DPYSL2: variants seen among roughly 807,000 people sequenced by gnomAD.
DPYSL2 encodes dihydropyrimidinase-related protein 2.
A neutral mutation model predicts 69.9 loss-of-function variants in DPYSL2; 13 were observed. That is an observed-to-expected ratio of 0.19 (90% CI 0.12 to 0.30). The LOEUF (loss-of-function observed/expected upper bound fraction) is 0.30. Among genes scored for constraint, DPYSL2 ranks in the 10% least tolerant of loss-of-function variants. The pLI, the probability that DPYSL2 is intolerant of heterozygous loss-of-function variation, is 1.00. For synonymous variants in DPYSL2, 326 were observed against 359.1 expected, an observed-to-expected ratio of 0.91 and a Z score of 1.04; for missense variants, 587 against 918.9, an observed-to-expected ratio of 0.64 and a Z score of 4.67.
rs919988695 is a variant in DPYSL2 at position 26,516,499 on chromosome 8, G to A, written c.354+1820G>A. ...GATCAGAGGATAGGGGTTGAAAGTG[G>A]CCCACCCCTATCATGAATTAGAACT... is the stretch of plus-strand genomic sequence containing the variant. On this transcript the variant is annotated intron_variant, in intron 1 of 13. Coordinates refer to ENST00000521913, the MANE Select transcript of DPYSL2 (RefSeq NM_001197293.3). This position sits in a 1 kb window ranked among gnomAD's most constrained non-coding sequence, Gnocchi z 4.8. Among the ~76,000 whole-genome samples the A allele has an allele frequency of 2.6e-5, 4 of 152,156 alleles. No homozygotes were observed. Among genetic ancestry groups the A allele is most frequent in the Admixed American group, 2.6e-4 (4 of 15,276 alleles).
intron 1 of DPYSL2, among the ~76,000 whole-genome samples, chr8:26,528,763 T>A (rs1428553811): frequency 6.6e-6 from 1 of 151,992 alleles, no homozygotes; most frequent in East Asian, 1.9e-4. Context: ...AAGCACCACG[T>A]TGGGCAGGAG....
At chr8:26,601,803 G>GAACA (rs1420787724) in intron 3 of DPYSL2, among the ~76,000 whole-genome samples, 1 of 152,194 alleles carries the variant, frequency 6.6e-6, no homozygotes, top group Non-Finnish European at 1.5e-5. Context: ...TAAAAGACTG[G>GAACA]GCCTGGAACA....
In DPYSL2 at chr8:26,577,748, C is replaced by T. The variant is rs1473859796; in HGVS notation, c.355-4221C>T. The T allele has an allele frequency of 5.2e-6, 5 of 952,820 alleles. No homozygotes were observed. In the East Asian group the frequency reaches 5.8e-4, roughly 110 times the overall value. 59.0% of individuals were successfully genotyped at this position (952,820 alleles called of 1,614,324 possible). ...GCGCTCCCAGCGCGGGCGCTCGCGC[C>T]GCCTGCCGCCCCCGGCCGTTCACTG... is the stretch of plus-strand genomic sequence containing the variant. On this transcript the variant is annotated intron_variant, in intron 1 of 13. Transcript: ENST00000521913.
intron 1 of DPYSL2, among the ~76,000 whole-genome samples, chr8:26,515,126 G>A (rs190655457): frequency 3.2e-3 from 488 of 152,254 alleles, no homozygotes; most frequent in Non-Finnish European, 5.3e-3. Context: ...GGTCGGGAGG[G>A]GCGGGGGTTC....
chr8:26,643,616 C>G lies in DPYSL2; in HGVS notation c.1283+21C>G. On this transcript the variant is annotated intron_variant, in intron 9 of 13. Transcript: ENST00000521913. The surrounding 1 kb of genome is among the most constrained non-coding windows in gnomAD (Gnocchi z 6.5). Reference sequence around the variant, plus strand: ...TCCTGGTGAGTCCTGGCGACTTGTTCACACTTCACATTCTGTCTTTCTTCA... The same window carrying G: ...TCCTGGTGAGTCCTGGCGACTTGTTGACACTTCACATTCTGTCTTTCTTCA... 1 of 1,614,176 alleles carries G rather than the reference C, an allele frequency of 6.2e-7. No homozygotes were observed. Among genetic ancestry groups the G allele is most frequent in the Middle Eastern group, 1.6e-4 (1 of 6,062 alleles).
chr8:26,535,906 G>GTGTGTC (rs1183163582), intron 1 of DPYSL2, among the ~76,000 whole-genome samples: 3 of 107,920 alleles, frequency 2.8e-5, no homozygotes, highest in African/African-American at 6.4e-5. Flanking sequence ...GGTTGTGTGT[G>GTGTGTC]TGTGTGTGTG....
chr8:26,523,169 A>ATT (rs1460371316), intron 1 of DPYSL2, among the ~76,000 whole-genome samples: 6 of 150,424 alleles, frequency 4.0e-5, no homozygotes, highest in Admixed American at 6.6e-5. Flanking sequence ...ATATATATAT[A>ATT]TTTTTAAATA....
chr8:26,529,253 T>TATCTATC (rs1389940842), intron 1 of DPYSL2, among the ~76,000 whole-genome samples: 1 of 149,092 alleles, frequency 6.7e-6, no homozygotes, highest in South Asian at 2.1e-4. Context: ...TCTATCTATC[T>TATCTATC]ATCTATCTAT....
rs561063223 is a variant in DPYSL2 at position 26,650,475 on chromosome 8, T to C, written c.1597-1782T>C. On this transcript the variant is annotated intron_variant, in intron 11 of 13. Transcript: ENST00000521913. This position sits in a 1 kb window ranked among gnomAD's most constrained non-coding sequence, Gnocchi z 5.3. ...ATGACCAGGGATGAGGCTTTTTGTATTGTCATCTTCACATACACCTCGGGA... is the reference window on the plus strand; with the variant it reads ...ATGACCAGGGATGAGGCTTTTTGTACTGTCATCTTCACATACACCTCGGGA... Among the ~76,000 whole-genome samples, 3 of 152,328 alleles carry C rather than the reference T, an allele frequency of 2.0e-5. No individual in the cohort carries two copies. The highest frequency in any genetic ancestry group is 4.4e-5 in the Non-Finnish European group (3 of 68,028).
chr8:26,546,680 G>A (rs1348386824), intron 1 of DPYSL2, among the ~76,000 whole-genome samples: 3 of 151,920 alleles, frequency 2.0e-5, no homozygotes, highest in Admixed American at 1.3e-4. Context: ...AGCACTTTGG[G>A]AGGCCGAGAC....
intron 3 of DPYSL2, among the ~76,000 whole-genome samples, chr8:26,622,774 C>T (rs1437675592): frequency 1.3e-5 from 2 of 152,132 alleles, no homozygotes; most frequent in East Asian, 3.9e-4. Context: ...AGTGCAACGG[C>T]TATATTTCTG....
At position 26,634,836 on chromosome 8, in the gene DPYSL2, G is replaced by A. The variant is rs141745272; in HGVS notation, c.1062G>A (p.Pro354=). 44 of 1,614,250 alleles carry A rather than the reference G, an allele frequency of 2.7e-5. No homozygotes were observed. Among genetic ancestry groups the A allele is most frequent in the African/African-American group, 1.2e-4 (9 of 75,076 alleles). Residue 354 remains proline, a synonymous_variant, in exon 8 of 14, where the codon CCG becomes CCA. Transcript: ENST00000521913. ...AITIANQTNC[P]LYITKVMSKS... ...CCATCGCCAACCAGACCAACTGCCCGCTGTATATCACCAAGGTGATGAGCA... is the reference window on the plus strand; with the variant it reads ...CCATCGCCAACCAGACCAACTGCCCACTGTATATCACCAAGGTGATGAGCA...
chr8:26,553,962 G>A (rs1170508769), intron 1 of DPYSL2, among the ~76,000 whole-genome samples: 3 of 136,904 alleles, frequency 2.2e-5, no homozygotes, highest in Non-Finnish European at 4.5e-5. Flanking sequence ...GCAGTGGCAC[G>A]ATCTCTGCAA....
At position 26,655,691 on chromosome 8, in the gene DPYSL2, C is replaced by T; in HGVS notation, c.2019C>T (p.Ile673=). The T allele has an allele frequency of 6.2e-7, 1 of 1,607,844 alleles. No homozygotes were observed. Among genetic ancestry groups the T allele is most frequent in the Non-Finnish European group, 8.5e-7 (1 of 1,179,334 alleles). ...IVAPPGGRAN[I]TSLG is the part of the protein sequence containing the mutation. ...CGCCCCCCGGTGGCCGTGCCAACAT[C>T]ACCAGCCTGGGCTAGAGCTCCTGGG... is the stretch of plus-strand genomic sequence containing the variant. Residue 673 remains isoleucine (I), a synonymous_variant, in exon 14 of 14, where the codon ATC becomes ATT. Coordinates refer to ENST00000521913, the MANE Select transcript of DPYSL2 (RefSeq NM_001197293.3).
At position 26,533,001 on chromosome 8, in the gene DPYSL2, G is replaced by C. The variant is rs1220646635; in HGVS notation, c.354+18322G>C. Among the ~76,000 whole-genome samples the C allele has an allele frequency of 6.6e-6, 1 of 152,196 alleles. No individual in the cohort carries two copies. Among genetic ancestry groups the C allele is most frequent in the Non-Finnish European group, 1.5e-5 (1 of 68,052 alleles). On this transcript the variant is annotated intron_variant, in intron 1 of 13. Transcript: ENST00000521913. The surrounding 1 kb of genome is among the most constrained non-coding windows in gnomAD (Gnocchi z 4.8). The stretch of plus-strand genomic sequence containing the variant: ...CCATCAGCAGTGTATGAGGGTTAGT[G>C]TATGAGGTTTCCAACTTCGCCGCAT...
chr8:26,554,678 G>A (rs892398149), intron 1 of DPYSL2, among the ~76,000 whole-genome samples: 1 of 152,012 alleles, frequency 6.6e-6, no homozygotes, highest in African/African-American at 2.4e-5. Flanking sequence ...TATCCATCTT[G>A]ATCTACCAAA....
At chr8:26,645,452 T>C (rs1257899614) in intron 10 of DPYSL2, among the ~76,000 whole-genome samples, 2 of 151,028 alleles carry the variant, frequency 1.3e-5, no homozygotes, top group Non-Finnish European at 2.9e-5. Context: ...TTTTGTAGTC[T>C]TTTTTAAAAA....
intron 3 of DPYSL2, among the ~76,000 whole-genome samples, chr8:26,616,072 T>C (rs1382022234): frequency 6.6e-6 from 1 of 152,176 alleles, no homozygotes; most frequent in African/African-American, 2.4e-5. Flanking sequence ...TAATTATTAG[T>C]CCCATTTCAT....
chr8:26,535,000 G>A (rs1800568925), intron 1 of DPYSL2, among the ~76,000 whole-genome samples: 1 of 152,150 alleles, frequency 6.6e-6, no homozygotes. Flanking sequence ...ATTAGGGTTA[G>A]AACAGTGTCT....
Sources: allele counts gnomAD v4.1 joint callset (sites outside exome capture counted in the v4.1 genomes callset), GRCh38; gene constraint gnomAD v4.1.1; non-coding constraint Gnocchi (gnomAD v3.1); transcripts MANE v1.5; gene names NCBI Gene and HGNC (gene_info 2026-07-23, HGNC 2026-07-21).